TOMM20L: variants seen among roughly 807,000 people sequenced by gnomAD.
TOMM20L encodes TOMM20-like protein 1.
A neutral mutation model predicts 20.4 loss-of-function variants in TOMM20L; 19 were observed. The observed-to-expected ratio is 0.93, with a 90% CI of 0.65 to 1.36. TOMM20L has a LOEUF of 1.36. TOMM20L is among the 40% of genes most tolerant of loss of function. TOMM20L has a pLI of 0.00. For synonymous variants in TOMM20L, 75 were observed against 79.6 expected, an observed-to-expected ratio of 0.94 and a Z score of 0.30; for missense variants, 218 against 203.7, an observed-to-expected ratio of 1.07 and a Z score of -0.43.
rs923978167 is a variant in TOMM20L, at chr14:58,396,046, A to G, written c.89A>G (p.Asn30Ser). 13 of 1,417,006 alleles carry G rather than the reference A, an allele frequency of 9.2e-6. No individual in the cohort carries two copies. The African/African-American group carries it at 1.2e-4, about 13-fold the overall frequency. The allele number at this position is 1,417,006 out of a possible 1,614,324, so 87.8% of individuals were successfully genotyped here. ...FAFLGYCIYL[N>S]RKRRGDPAFK... Reference sequence around the variant, plus strand: ...TTCCTGGGCTATTGTATTTACCTCAACCGGAAGCGGCGCGGGGACCCCGCG... The same window carrying G: ...TTCCTGGGCTATTGTATTTACCTCAGCCGGAAGCGGCGCGGGGACCCCGCG... Residue 30 changes from asparagine (N) to serine (S), a missense_variant, in exon 1 of 5, where the codon AAC (asparagine) becomes AGC (serine). Coordinates refer to ENST00000360945, the MANE Select transcript of TOMM20L (RefSeq NM_207377.3).
rs1299842620 is a variant in TOMM20L, at chr14:58,396,295, C to G, written c.137-3C>G. On this transcript the variant is annotated splice_polypyrimidine_tract_variant and splice_region_variant and intron_variant, in intron 1 of 4. Coordinates refer to ENST00000360945, the MANE Select transcript of TOMM20L (RefSeq NM_207377.3). ...GCCAGCATGTGCCGTGTTGTGTTCG[C>G]AGAAAGAAGAGCAGAGCCTCAAAAG... 2 of 1,613,076 alleles carry G rather than the reference C, an allele frequency of 1.2e-6. No individual in the cohort carries two copies. Among genetic ancestry groups the G allele is most frequent in the Admixed American group, 1.7e-5 (1 of 60,008 alleles).
At chr14:58,403,557 G>A (rs1451214435) in intron 3 of TOMM20L, among the ~76,000 whole-genome samples, 2 of 151,882 alleles carry the variant, frequency 1.3e-5, no homozygotes, top group Non-Finnish European at 2.9e-5. Context: ...TATTCCTACC[G>A]GCAGGGCACG....
chr14:58,401,271 A>G (rs771909509), intron 2 of TOMM20L, among the ~76,000 whole-genome samples: 37 of 152,244 alleles, frequency 2.4e-4, no homozygotes, highest in Admixed American at 9.2e-4. Flanking sequence ...TGATAATACA[A>G]GCTTAAAAGG....
Position 58,407,234 on chromosome 14 carries a change from T to C in TOMM20L, c.263-92T>C, listed in dbSNP as rs1206413134. 3.8e-6 allele frequency: 5 copies of C among 1,317,066 alleles called. No individual in the cohort carries two copies. The Admixed American group carries it at 1.2e-4, about 31-fold the overall frequency. 81.6% of individuals were successfully genotyped at this position (1,317,066 alleles called of 1,614,324 possible). ...AGTAGTCTTTAGTTGGATATGCTTT[T>C]AATTTTTAATGCTTGTTGCTTTCTT... is the stretch of plus-strand genomic sequence containing the variant. On this transcript the variant is annotated intron_variant, in intron 3 of 4. Coordinates refer to ENST00000360945, the MANE Select transcript of TOMM20L (RefSeq NM_207377.3).
downstream of TOMM20L, chr14:58,411,827 G>T: frequency 7.4e-7 from 1 of 1,348,180 alleles, no homozygotes; most frequent in Non-Finnish European, 1.1e-6. Context: ...GTGAGCCACT[G>T]CACCCAGCCT....
At position 58,403,797 on chromosome 14, in the gene TOMM20L, G is replaced by C. The variant is rs376548506; in HGVS notation, c.262+1036G>C. Among the ~76,000 whole-genome samples the C allele has an allele frequency of 5.3e-5, 8 of 151,198 alleles. 1 individual carries two copies. In the South Asian group the frequency reaches 6.3e-4, roughly 12 times the overall value. On this transcript the variant is annotated intron_variant, in intron 3 of 4. Transcript: ENST00000360945. ...AGCTTGCAGTGAGCCGAGATCGCACGACTGCACTCCAGCCTGGGCGACAGA... is the reference window on the plus strand; with the variant it reads ...AGCTTGCAGTGAGCCGAGATCGCACCACTGCACTCCAGCCTGGGCGACAGA...
chr14:58,413,029 T>C (rs1188010622), downstream of TOMM20L, among the ~76,000 whole-genome samples: 1 of 152,214 alleles, frequency 6.6e-6, no homozygotes, highest in Non-Finnish European at 1.5e-5. Flanking sequence ...TTTACTATTA[T>C]ACTCAGTCGA....
chr14:58,401,218 T>G (rs2035988764), intron 2 of TOMM20L, among the ~76,000 whole-genome samples: 1 of 152,176 alleles, frequency 6.6e-6, no homozygotes, highest in Non-Finnish European at 1.5e-5. Context: ...TCACTAAACA[T>G]CTATTGAGTA....
intron 3 of TOMM20L, among the ~76,000 whole-genome samples, chr14:58,406,135 G>A (rs1055022667): frequency 1.3e-5 from 2 of 152,038 alleles, no homozygotes; most frequent in African/African-American, 2.4e-5. Flanking sequence ...CCATCTCAAC[G>A]GTGGCTATAT....
intron 3 of TOMM20L, among the ~76,000 whole-genome samples, chr14:58,404,099 G>GTGTATATATATATATATA (rs1408980666): frequency 1.3e-4 from 3 of 22,928 alleles, no homozygotes; most frequent in African/African-American, 4.0e-4. Context: ...ACATATATAT[G>GTGTATATATATATATATA]TATATATATA....
chr14:58,397,669 G>T (rs796532523), intron 2 of TOMM20L, among the ~76,000 whole-genome samples: 1 of 152,192 alleles, frequency 6.6e-6, no homozygotes, highest in Non-Finnish European at 1.5e-5. Flanking sequence ...TTTGGCAAAG[G>T]AGTCATACTG....
chr14:58,411,589 G>A (rs1188670343), downstream of TOMM20L, among the ~76,000 whole-genome samples: 1 of 151,906 alleles, frequency 6.6e-6, no homozygotes, highest in African/African-American at 2.4e-5. Flanking sequence ...ACCCAGGCTG[G>A]AGTGCAATGC....
Position 58,396,049 on chromosome 14 carries a change from G to A in TOMM20L, c.92G>A (p.Arg31Gln), listed in dbSNP as rs866414740. 1.8e-5 allele frequency: 25 copies of A among 1,423,618 alleles called. No homozygotes were observed. Among genetic ancestry groups the A allele is most frequent in the Admixed American group, 2.5e-5 (1 of 39,452 alleles). 88.2% of individuals were successfully genotyped at this position (1,423,618 alleles called of 1,614,324 possible). Residue 31 changes from arginine to glutamine, a missense_variant, in exon 1 of 5, where the codon CGG becomes CAG. Coordinates refer to ENST00000360945, the MANE Select transcript of TOMM20L (RefSeq NM_207377.3). ...AFLGYCIYLN[R>Q]KRRGDPAFKR... ...CTGGGCTATTGTATTTACCTCAACC[G>A]GAAGCGGCGCGGGGACCCCGCGTTC... is the stretch of plus-strand genomic sequence containing the variant.
intron 3 of TOMM20L, among the ~76,000 whole-genome samples, chr14:58,405,137 T>G (rs2036042200): frequency 6.6e-6 from 1 of 151,926 alleles, no homozygotes; most frequent in Non-Finnish European, 1.5e-5. Flanking sequence ...CCCAGCTAAT[T>G]TTGTATTCTT....
chr14:58,406,238 T>C (rs1460070541), intron 3 of TOMM20L, among the ~76,000 whole-genome samples: 1 of 152,230 alleles, frequency 6.6e-6, no homozygotes, highest in African/African-American at 2.4e-5. Context: ...TTTGACCAAA[T>C]TGATTGTTTT....
chr14:58,404,840 A>C (rs1458323395), intron 3 of TOMM20L, among the ~76,000 whole-genome samples: 1 of 152,218 alleles, frequency 6.6e-6, no homozygotes, highest in African/African-American at 2.4e-5. Flanking sequence ...AATACCTGCT[A>C]AATATTGATG....
downstream of TOMM20L, among the ~76,000 whole-genome samples, chr14:58,413,502 T>C (rs542100166): frequency 2.0e-5 from 3 of 152,316 alleles, no homozygotes; most frequent in South Asian, 4.1e-4. Context: ...TCACAGAGAC[T>C]AATCAGAGAC....
At chr14:58,411,051 CAT>C (rs1336526464), downstream of TOMM20L, 2 of 713,202 alleles carry the variant, frequency 2.8e-6, no homozygotes, top group Non-Finnish European at 4.8e-6. Flanking sequence ...CACTTGAAAT[CAT>C]AGTTATTATG....
At chr14:58,396,213 C>T (rs1479916447) in intron 1 of TOMM20L, 85 bp from the exon 2 acceptor site, 2 of 1,569,030 alleles carry the variant, frequency 1.3e-6, no homozygotes, top group Non-Finnish European at 8.6e-7. Flanking sequence ...GAGGGGCCCG[C>T]GGCGCCCGGG....
Sources: gnomAD v4.1 joint callset for allele counts (sites outside exome capture counted in the v4.1 genomes callset) on GRCh38, gnomAD v4.1.1 for gene constraint, MANE v1.5 for transcripts, NCBI Gene and HGNC (gene_info 2026-07-23, HGNC 2026-07-21) for gene names.